MYO9A: variants seen among roughly 807,000 people sequenced by gnomAD.
MYO9A encodes the protein unconventional myosin-IXa.
MYO9A carries 103 observed loss-of-function variants against 293.3 expected under a neutral mutation model. The observed-to-expected ratio is 0.35, with a 90% confidence interval of 0.30 to 0.41. The LOEUF (loss-of-function observed/expected upper bound fraction) is 0.41. Among genes scored for constraint, MYO9A ranks in the 10% least tolerant of loss-of-function variants. The probability of loss-of-function intolerance (pLI) is 1.00; values close to 1 mark genes in which losing one functional copy is unlikely to be tolerated. For synonymous variants in MYO9A, 1,001 were observed against 1,035.7 expected (o/e 0.97, Z 0.64); for missense variants, 2,685 against 3,033.0 (o/e 0.89, Z 2.69).
chr15:71,940,051 C>T (rs1391024633), intron 15 of MYO9A, among the ~76,000 whole-genome samples: 3 of 151,988 alleles, frequency 2.0e-5, no homozygotes, highest in Non-Finnish European at 2.9e-5. Context: ...GCAACTTAGA[C>T]TTCATCTATA....
At chr15:71,967,834 G>T in intron 13 of MYO9A, 150 bp downstream of exon 13, 1 of 755,694 alleles carries the variant, frequency 1.3e-6, no homozygotes, top group Non-Finnish European at 1.9e-6. Flanking sequence ...GTGCTGAAAA[G>T]CAGAATCTAA....
At chr15:72,029,347 T>A (rs956728475) in intron 3 of MYO9A, among the ~76,000 whole-genome samples, 2 of 152,212 alleles carry the variant, frequency 1.3e-5, no homozygotes, top group Non-Finnish European at 2.9e-5. Context: ...AGTGCACTTA[T>A]ACAACCCTGA....
At chr15:71,942,851 T>C (rs2058814085) in intron 15 of MYO9A, among the ~76,000 whole-genome samples, 1 of 152,016 alleles carries the variant, frequency 6.6e-6, no homozygotes, top group South Asian at 2.1e-4. Context: ...TATATATACA[T>C]TTACCAAGTT....
Position 72,002,925 on chromosome 15 carries a change from T to C in MYO9A, c.1381-2985A>G, listed in dbSNP as rs779748890. Reference sequence around the variant, plus strand: ...GAAAATATCCTAAAACAAATTAATATGTAACAAGTAAAATGTTAGAACTGA... The same window carrying C: ...GAAAATATCCTAAAACAAATTAATACGTAACAAGTAAAATGTTAGAACTGA... On this transcript the variant is annotated intron_variant, in intron 8 of 41. Transcript: ENST00000356056. 1.1e-4 allele frequency among the ~76,000 whole-genome samples: 16 copies of C among 152,282 alleles called. No individual in the cohort carries two copies. The South Asian group carries it at 1.2e-3, about 12-fold the overall frequency.
chr15:72,052,295 C>T (rs1338766561), intron 1 of MYO9A, among the ~76,000 whole-genome samples: 1 of 152,190 alleles, frequency 6.6e-6, no homozygotes, highest in South Asian at 2.1e-4. Flanking sequence ...TCAGGACACC[C>T]GAACACTCAT....
In MYO9A at chr15:71,888,120, TA is replaced by T; in HGVS notation, c.5143-5del. 1 of 1,518,652 alleles carries T rather than the reference TA, an allele frequency of 6.6e-7. No individual in the cohort carries two copies. Among genetic ancestry groups the T allele is most frequent in the Non-Finnish European group, 9.1e-7 (1 of 1,098,944 alleles). 94.1% of individuals were successfully genotyped at this position (1,518,652 alleles called of 1,614,324 possible). On this transcript the variant is annotated splice_region_variant and splice_polypyrimidine_tract_variant and intron_variant, in intron 26 of 41. Coordinates refer to ENST00000356056, the MANE Select transcript of MYO9A (RefSeq NM_006901.4). ...CTGACGAAAATCGCTGTGATGTCTG[TA>T]ATAATTACATATGTGAAAGATTTAA...
chr15:71,921,941 A>G (rs1376816864), intron 18 of MYO9A, among the ~76,000 whole-genome samples: 1 of 151,864 alleles, frequency 6.6e-6, no homozygotes, highest in East Asian at 1.9e-4. Flanking sequence ...TCTTTTCCCT[A>G]AACACTGCAT....
chr15:71,902,887 A>AT, intron 22 of MYO9A, 54 bp downstream of exon 22: 3 of 1,350,644 alleles, frequency 2.2e-6, no homozygotes, highest in East Asian at 2.6e-5. Flanking sequence ...AAAAATTATT[A>AT]TTTTTTAAAT....
chr15:72,020,347 A>T (rs1326430528), intron 5 of MYO9A, among the ~76,000 whole-genome samples: 6 of 152,158 alleles, frequency 3.9e-5, no homozygotes. Flanking sequence ...CTCAATGTGG[A>T]AGTTTAGGGA....
intron 39 of MYO9A, among the ~76,000 whole-genome samples, chr15:71,834,674 C>T (rs2054867061): frequency 6.6e-6 from 1 of 151,648 alleles, no homozygotes; most frequent in Non-Finnish European, 1.5e-5. Context: ...CTACATGAAG[C>T]ACTGAGGCGG....
intron 1 of MYO9A, among the ~76,000 whole-genome samples, chr15:72,092,910 TACACACAC>T (rs59999448): frequency 2.8e-5 from 4 of 141,912 alleles, no homozygotes; most frequent in African/African-American, 1.0e-4. Flanking sequence ...CCACCTTACT[TACACACAC>T]ACACACACAC....
At chr15:71,842,155 C>T (rs1397258563) in intron 39 of MYO9A, among the ~76,000 whole-genome samples, 1 of 151,642 alleles carries the variant, frequency 6.6e-6, no homozygotes, top group Non-Finnish European at 1.5e-5. Flanking sequence ...GGCAGATCAC[C>T]TGAGGTCAGG....
At chr15:72,101,056 G>A (rs568845650) in intron 1 of MYO9A, among the ~76,000 whole-genome samples, 1,875 of 142,298 alleles carry the variant, frequency 0.013, 37 homozygotes, top group African/African-American at 0.044. Flanking sequence ...CGCCCCGTCA[G>A]GGAGGGAGGT....
chr15:71,964,744 G>A (rs779096243), intron 13 of MYO9A, among the ~76,000 whole-genome samples: 2 of 151,696 alleles, frequency 1.3e-5, no homozygotes, highest in East Asian at 1.9e-4. Context: ...CCGAGATCGC[G>A]CCACTGCATT....
rs1195335403 is a variant in MYO9A, at chr15:72,117,841, G to C, written c.-233C>G. ...GGCCCAGCAGCCTCAGGGTCCGGGC[G>C]AGCGGCCGCGGCGCATCCCCCGCCC... is the stretch of plus-strand genomic sequence containing the variant. On this transcript the variant is annotated 5_prime_UTR_variant, in exon 1 of 42. Coordinates refer to ENST00000356056, the MANE Select transcript of MYO9A (RefSeq NM_006901.4). 1 of 398,526 alleles carries C rather than the reference G, an allele frequency of 2.5e-6. No homozygotes were observed. The highest frequency in any genetic ancestry group is 2.1e-5 in the African/African-American group (1 of 48,586). The allele number at this position is 398,526 out of a possible 1,614,324, so 24.7% of individuals were successfully genotyped here.
chr15:72,014,876 T>C (rs1192738322), intron 6 of MYO9A, among the ~76,000 whole-genome samples: 1 of 152,086 alleles, frequency 6.6e-6, no homozygotes, highest in Non-Finnish European at 1.5e-5. Flanking sequence ...AGGGTTTCAC[T>C]CTGCCCACCC....
chr15:72,045,966 C>G lies in MYO9A; in HGVS notation c.598G>C (p.Val200Leu). 1 of 1,614,108 alleles carries G rather than the reference C, an allele frequency of 6.2e-7. No homozygotes were observed. Among genetic ancestry groups the G allele is most frequent in the Non-Finnish European group, 8.5e-7 (1 of 1,180,016 alleles). Reference sequence around the variant, plus strand: ...AGTTGGTGGTTATCATACATTTTGACATATTTGGGGTTATAAATAGGAAGA... The same window carrying G: ...AGTTGGTGGTTATCATACATTTTGAGATATTTGGGGTTATAAATAGGAAGA... Reference protein sequence around the residue: ...KFLPIYNPKYVKMYDNHQLGK... With the variant: ...KFLPIYNPKYLKMYDNHQLGK... The change falls in exon 2 of 42, where the codon GTC becomes CTC. Residue 200 changes from valine to leucine, a missense_variant. Transcript: ENST00000356056.
chr15:71,830,569 T>C (rs573210774), intron 39 of MYO9A, among the ~76,000 whole-genome samples: 1 of 152,324 alleles, frequency 6.6e-6, no homozygotes, highest in East Asian at 1.9e-4. Flanking sequence ...GAGATGAGTT[T>C]CTTCTTTTAA....
intron 1 of MYO9A, among the ~76,000 whole-genome samples, chr15:72,075,853 G>C (rs943126767): frequency 6.6e-6 from 1 of 152,100 alleles, no homozygotes; most frequent in African/African-American, 2.4e-5. Context: ...CAGAAGTCTA[G>C]ATCTGCAAGA....
Sources: gnomAD v4.1 joint callset for allele counts (sites outside exome capture counted in the v4.1 genomes callset) on GRCh38, gnomAD v4.1.1 for gene constraint, MANE v1.5 for transcripts, NCBI Gene and HGNC (gene_info 2026-07-23, HGNC 2026-07-21) for gene names.